Variants in CNTN5 observed in about 807,000 individuals in gnomAD.
CNTN5 encodes the protein contactin 5.
CNTN5 carries 77 observed loss-of-function variants against 129.1 expected under a neutral mutation model. The ratio of observed to expected loss-of-function variants is 0.60; its 90% CI spans 0.50 to 0.72. CNTN5 has a LOEUF of 0.72. Among genes scored for constraint, CNTN5 ranks in the 30% least tolerant of loss-of-function variants. The probability of loss-of-function intolerance (pLI) is 0.00; values close to 1 mark genes in which losing one functional copy is unlikely to be tolerated. For missense variants in CNTN5, 1,478 were observed against 1,328.8 expected, an observed-to-expected ratio of 1.11 and a Z score of -1.75; for synonymous variants, 509 against 465.6, an observed-to-expected ratio of 1.09 and a Z score of -1.20.
chr11:99,287,145 G>A (rs1416935019), intron 1 of CNTN5, among the ~76,000 whole-genome samples: 1 of 152,140 alleles, frequency 6.6e-6, no homozygotes, highest in East Asian at 1.9e-4. Flanking sequence ...AACATTTAAA[G>A]CAGAAGCTAT....
rs142053783 is a variant in CNTN5, at chr11:100,017,160, G to A, written c.980+15024G>A. ...TTTTTCTCAAAGAAAGGTACATTAT[G>A]AAATCAGGTCACTTGTTTTATATAT... is the stretch of plus-strand genomic sequence containing the variant. On this transcript the variant is annotated intron_variant, in intron 9 of 24. Transcript: ENST00000524871. Among the ~76,000 whole-genome samples, 328 of 151,898 alleles carry A rather than the reference G, an allele frequency of 2.2e-3. 1 individual carries two copies. The highest frequency in any genetic ancestry group is 7.3e-3 in the African/African-American group (302 of 41,474).
chr11:99,126,018 A>T (rs2135420176), intron 1 of CNTN5, among the ~76,000 whole-genome samples: 1 of 152,306 alleles, frequency 6.6e-6, no homozygotes, highest in African/African-American at 2.4e-5. Flanking sequence ...ATGATAAAGG[A>T]TTCTAAATTC....
chr11:99,933,732 T>C (rs576244239), intron 7 of CNTN5, among the ~76,000 whole-genome samples: 1 of 152,328 alleles, frequency 6.6e-6, no homozygotes, highest in East Asian at 1.9e-4. Flanking sequence ...TTGTCGTTTT[T>C]GCCATTAAAA....
intron 3 of CNTN5, among the ~76,000 whole-genome samples, chr11:99,768,118 C>A (rs1944818551): frequency 6.6e-6 from 1 of 152,024 alleles, no homozygotes; most frequent in African/African-American, 2.4e-5. Flanking sequence ...CCTAAAATAT[C>A]TACCATCTGT....
intron 2 of CNTN5, among the ~76,000 whole-genome samples, chr11:99,354,776 G>A (rs1938527638): frequency 2.6e-5 from 4 of 152,136 alleles, no homozygotes; most frequent in Admixed American, 2.6e-4. Context: ...AGCAGCAAAA[G>A]TGATTCTTTG....
chr11:99,304,140 A>G (rs1864770047), intron 1 of CNTN5, among the ~76,000 whole-genome samples: 1 of 152,116 alleles, frequency 6.6e-6, no homozygotes, highest in East Asian at 1.9e-4. Flanking sequence ...TAAGCCTGAG[A>G]AATTTGTGAA....
chr11:99,893,817 A>G (rs890348260), intron 6 of CNTN5, among the ~76,000 whole-genome samples: 1 of 152,220 alleles, frequency 6.6e-6, no homozygotes, highest in African/African-American at 2.4e-5. Context: ...ATATATTAAC[A>G]TAAGCATATT....
intron 13 of CNTN5, 79 bp downstream of exon 13, chr11:100,074,373 A>C: frequency 8.3e-7 from 1 of 1,206,552 alleles, no homozygotes; most frequent in South Asian, 1.4e-5. Flanking sequence ...CTATGCAAGA[A>C]AGAGTCTTGC....
At chr11:99,598,695 G>A (rs192287649) in intron 3 of CNTN5, among the ~76,000 whole-genome samples, 3 of 151,608 alleles carry the variant, frequency 2.0e-5, no homozygotes, top group South Asian at 2.1e-4. Flanking sequence ...AGGTGCCAGT[G>A]ATAGCTGAGG....
intron 3 of CNTN5, among the ~76,000 whole-genome samples, chr11:99,742,430 A>G (rs940931643): frequency 6.6e-6 from 1 of 152,188 alleles, no homozygotes; most frequent in African/African-American, 2.4e-5. Context: ...TCAGTAACCA[A>G]TCATTTGTGC....
At chr11:100,341,326 T>G (rs751038808) in intron 23 of CNTN5, 121 bp downstream of exon 23, 15 of 705,754 alleles carry the variant, frequency 2.1e-5, no homozygotes, top group Non-Finnish European at 3.4e-5. Context: ...AGTCATTTTC[T>G]ATCTGTATCT....
chr11:100,055,028 T>TA (rs137939088), intron 9 of CNTN5, among the ~76,000 whole-genome samples: 13,117 of 90,962 alleles, frequency 0.14, 836 homozygotes, highest in Non-Finnish European at 0.16. Flanking sequence ...AGCCGTAGCC[T>TA]AAAAAAAAAA....
chr11:100,250,495 T>C (rs1949942834), intron 16 of CNTN5, among the ~76,000 whole-genome samples: 1 of 152,106 alleles, frequency 6.6e-6, no homozygotes, highest in African/African-American at 2.4e-5. Flanking sequence ...GAAAAATAAA[T>C]AGGCAGTTTA....
At position 100,271,223 on chromosome 11, in the gene CNTN5, A is replaced by C; in HGVS notation, c.2296A>C (p.Ile766Leu). The change falls in exon 18 of 25, where the codon ATC becomes CTC. Residue 766 changes from isoleucine to leucine, a missense_variant. By Grantham distance (5) the Ile-to-Leu change is conservative (BLOSUM62 2). Transcript: ENST00000524871. The part of the protein sequence containing the change: ...TGDPSTPSRM[I>L]RTNEAVPKTA... ...AGATCCAAGCACCCCATCTCGAATG[A>C]TCCGCACAAATGAAGCAGGTAAAAA... The C allele has an allele frequency of 6.2e-7, 1 of 1,605,304 alleles. No homozygotes were observed. The highest frequency in any genetic ancestry group is 2.2e-5 in the East Asian group (1 of 44,736).
intron 3 of CNTN5, 114 bp downstream of exon 3, chr11:99,556,383 T>C: frequency 1.7e-6 from 1 of 579,442 alleles, no homozygotes; most frequent in Non-Finnish European, 2.8e-6. Flanking sequence ...TATATCAGTA[T>C]TTATACTTTC....
intron 2 of CNTN5, among the ~76,000 whole-genome samples, chr11:99,339,911 A>G (rs888376468): frequency 2.7e-5 from 4 of 150,260 alleles, no homozygotes; most frequent in African/African-American, 7.3e-5. Flanking sequence ...ATCATTTTTT[A>G]GAAAAAAAAA....
chr11:99,268,735 A>G (rs930550899), intron 1 of CNTN5, among the ~76,000 whole-genome samples: 9 of 152,048 alleles, frequency 5.9e-5, no homozygotes, highest in African/African-American at 1.4e-4. Context: ...TACAAAAAAT[A>G]TGGATATGAA....
At chr11:99,788,948 A>C (rs921980228) in intron 3 of CNTN5, among the ~76,000 whole-genome samples, 2 of 151,860 alleles carry the variant, frequency 1.3e-5, no homozygotes, top group African/African-American at 2.4e-5. Context: ...TTCCAATAAG[A>C]GCCTCTCAAA....
intron 2 of CNTN5, among the ~76,000 whole-genome samples, chr11:99,350,631 A>G (rs1198515065): frequency 6.6e-6 from 1 of 152,210 alleles, no homozygotes; most frequent in Non-Finnish European, 1.5e-5. Context: ...GTAAGAAGGA[A>G]CAAACTACTG....
Sources: allele counts gnomAD v4.1 joint callset (sites outside exome capture counted in the v4.1 genomes callset), GRCh38; gene constraint gnomAD v4.1.1; transcripts MANE v1.5; gene names NCBI Gene and HGNC (gene_info 2026-07-23, HGNC 2026-07-21).